The following CNOT6 variants were observed in gnomAD, a reference collection of about 807,000 sequenced individuals.
The protein encoded by CNOT6 is carbon catabolite repression 4 protein.
Under a neutral mutation model 61.2 loss-of-function variants are expected in CNOT6, and 12 were observed. The observed-to-expected ratio is 0.20, with a 90% CI of 0.13 to 0.32. The LOEUF is 0.32. CNOT6 is among the 10% of genes least tolerant of loss of function. The pLI is 1.00. For synonymous variants in CNOT6, 225 were observed against 240.6 expected, an observed-to-expected ratio of 0.94 and a Z score of 0.60; for missense variants, 405 against 663.9, an observed-to-expected ratio of 0.61 and a Z score of 4.28.
chr5:180,521,528 G>A (rs944795518), intron 1 of CNOT6, among the ~76,000 whole-genome samples: 1 of 152,126 alleles, frequency 6.6e-6, no homozygotes, highest in Non-Finnish European at 1.5e-5. Flanking sequence ...AGGTATATGC[G>A]CTGACTTACA....
chr5:180,548,417 G>C (rs1459134982), intron 2 of CNOT6, among the ~76,000 whole-genome samples: 1 of 152,138 alleles, frequency 6.6e-6, no homozygotes, highest in Non-Finnish European at 1.5e-5. Flanking sequence ...TTGAGCCAGG[G>C]AGTGGGGGGC....
Position 180,494,673 on chromosome 5 carries a change from G to T in CNOT6, c.-93G>T. 6.4e-6 allele frequency: 1 copy of T among 157,340 alleles called. No individual in the cohort carries two copies. Among genetic ancestry groups the T allele is most frequent in the South Asian group, 1.8e-4 (1 of 5,698 alleles). The allele number at this position is 157,340 out of a possible 1,614,324, so 9.7% of individuals were successfully genotyped here. A position where few individuals can be genotyped will look rare whatever the true frequency, so the allele number is the denominator to read the frequency against. ...GTGGCGGCGCTGCAGCAGCGGGCGG[G>T]ACTGGTATGGTGGTTCCACAGGGCA... On this transcript the variant is annotated 5_prime_UTR_variant, in exon 1 of 12. Transcript: ENST00000261951.
At chr5:180,543,581 T>G (rs1759151838) in intron 2 of CNOT6, among the ~76,000 whole-genome samples, 1 of 152,214 alleles carries the variant, frequency 6.6e-6, no homozygotes, top group South Asian at 2.1e-4. Context: ...TTAGCATACC[T>G]GAACAAGTGT....
chr5:180,567,262 A>C lies in CNOT6; in HGVS notation c.872+20A>C. 1 of 1,591,376 alleles carries C rather than the reference A, an allele frequency of 6.3e-7. No individual in the cohort carries two copies. ...AGAAAAGTAAGTCATCTTATTTTTT[A>C]AAAAGAACGTTTTCTCAGTATTTGC... On this transcript the variant is annotated intron_variant, in intron 8 of 11. Coordinates refer to ENST00000261951, the MANE Select transcript of CNOT6 (RefSeq NM_001370472.1).
chr5:180,538,696 A>G (rs77412487), intron 2 of CNOT6, among the ~76,000 whole-genome samples: 45 of 16,320 alleles, frequency 2.8e-3, no homozygotes, highest in East Asian at 0.022. Flanking sequence ...GTATATATAT[A>G]TATATATATA....
intron 2 of CNOT6, among the ~76,000 whole-genome samples, chr5:180,532,929 T>C (rs1269553654): frequency 6.6e-6 from 1 of 152,216 alleles, no homozygotes; most frequent in Non-Finnish European, 1.5e-5. Flanking sequence ...GCAGTGTCCA[T>C]GCCCTCCCTG....
At chr5:180,507,846 C>T (rs1387471879) in intron 1 of CNOT6, among the ~76,000 whole-genome samples, 3 of 152,162 alleles carry the variant, frequency 2.0e-5, no homozygotes, top group Admixed American at 6.6e-5. Flanking sequence ...GTAGTCTTCA[C>T]GTGGCCAGAG....
chr5:180,520,038 TG>T, intron 1 of CNOT6, among the ~76,000 whole-genome samples: 1 of 152,082 alleles, frequency 6.6e-6, no homozygotes, highest in East Asian at 1.9e-4. Flanking sequence ...TTCACCATGT[TG>T]GCCAGGCTGG....
Position 180,575,060 on chromosome 5 carries a change from T to C in CNOT6, c.*860T>C, listed in dbSNP as rs1308394025. On this transcript the variant is annotated 3_prime_UTR_variant, in exon 12 of 12. Coordinates refer to ENST00000261951, the MANE Select transcript of CNOT6 (RefSeq NM_001370472.1). The stretch of plus-strand genomic sequence containing the variant: ...TCTGATATTTTTAAATCTTTAACTT[T>C]TTAAAGTTAAAAACCTACAGCTGCT... 6.6e-6 allele frequency: 1 copy of C among 152,636 alleles called. No homozygotes were observed. The highest frequency in any genetic ancestry group is 1.5e-5 in the Non-Finnish European group (1 of 68,040). 9.5% of individuals were successfully genotyped at this position (152,636 alleles called of 1,614,324 possible).
intron 1 of CNOT6, among the ~76,000 whole-genome samples, chr5:180,510,971 AT>A (rs1407265417): frequency 6.6e-6 from 1 of 152,006 alleles, no homozygotes; most frequent in Non-Finnish European, 1.5e-5. Context: ...TTCCCGGCTA[AT>A]TTTTATACTT....
chr5:180,544,328 A>G (rs1389029924), intron 2 of CNOT6, among the ~76,000 whole-genome samples: 1 of 152,214 alleles, frequency 6.6e-6, no homozygotes, highest in East Asian at 1.9e-4. Flanking sequence ...CCATATAGAA[A>G]GAAGTTTTAC....
chr5:180,552,485 CA>C (rs74636591), intron 3 of CNOT6, among the ~76,000 whole-genome samples: 90 of 144,372 alleles, frequency 6.2e-4, no homozygotes, highest in South Asian at 2.6e-3. Flanking sequence ...ACTAAAAATA[CA>C]AAAAAAAAAA....
chr5:180,563,974 C>T (rs1265228973), intron 4 of CNOT6, among the ~76,000 whole-genome samples: 1 of 152,180 alleles, frequency 6.6e-6, no homozygotes, highest in Non-Finnish European at 1.5e-5. Context: ...TAAGCCAAGT[C>T]AGCCCCATTT....
chr5:180,573,665 C>T (rs960156373), intron 11 of CNOT6, among the ~76,000 whole-genome samples: 4 of 150,956 alleles, frequency 2.6e-5, no homozygotes, highest in African/African-American at 9.7e-5. Context: ...CTCACATCCT[C>T]ACCCCTTTCT....
intron 1 of CNOT6, among the ~76,000 whole-genome samples, chr5:180,518,865 C>CT (rs200072918): frequency 0.01 from 1,573 of 152,304 alleles, 26 homozygotes; most frequent in African/African-American, 0.036. Flanking sequence ...TTTAATTTAA[C>CT]TTAATTTAGT....
intron 10 of CNOT6, among the ~76,000 whole-genome samples, chr5:180,570,922 A>G (rs994942626): frequency 2.0e-5 from 3 of 152,224 alleles, no homozygotes; most frequent in African/African-American, 7.2e-5. Flanking sequence ...TTCTTTGTAA[A>G]AAGTGGAAAC....
intron 1 of CNOT6, among the ~76,000 whole-genome samples, chr5:180,509,647 T>C (rs963166042): frequency 1.3e-5 from 2 of 151,104 alleles, no homozygotes; most frequent in African/African-American, 2.4e-5. Flanking sequence ...ACTCCTGACC[T>C]CAGGTGATCC....
rs56266069 is a variant in CNOT6 at position 180,533,312 on chromosome 5, C to CTATATATATATATATA, written c.112+3940_112+3955dup. On this transcript the variant is annotated intron_variant, in intron 2 of 11. Transcript: ENST00000261951. The stretch of plus-strand genomic sequence containing the variant: ...GGAACCAGGAACCATGGATGAAAAC[C>CTATATATATATATATA]TATATATATATATATATATATATAT... Among the ~76,000 whole-genome samples the CTATATATATATATATA allele has an allele frequency of 4.2e-3, 539 of 127,314 alleles. 2 individuals carry two copies. Among genetic ancestry groups the CTATATATATATATATA allele is most frequent in the African/African-American group, 5.6e-3 (179 of 32,026 alleles). 83.5% of individuals were successfully genotyped at this position (127,314 alleles called of 152,430 possible).
chr5:180,500,644 C>A (rs1014712626), intron 1 of CNOT6, among the ~76,000 whole-genome samples: 5 of 152,140 alleles, frequency 3.3e-5, no homozygotes, highest in African/African-American at 1.2e-4. Flanking sequence ...GTTGATTATA[C>A]TTGTTTAATA....
Sources: allele counts gnomAD v4.1 joint callset (sites outside exome capture counted in the v4.1 genomes callset), GRCh38; gene constraint gnomAD v4.1.1; transcripts MANE v1.5; gene names NCBI Gene and HGNC (gene_info 2026-07-23, HGNC 2026-07-21).